The following GP6 variants were observed in gnomAD, a reference collection of about 807,000 sequenced individuals.
The protein encoded by GP6 is platelet glycoprotein VI.
In GP6, 45 loss-of-function variants were observed where a neutral mutation model predicts 37.3. That is an observed-to-expected ratio of 1.21 (90% CI 0.95 to 1.55). The LOEUF (loss-of-function observed/expected upper bound fraction) is 1.55. Among genes scored for constraint, GP6 ranks in the 40% most tolerant of loss-of-function variants. The pLI is 0.00. For synonymous variants in GP6, 340 were observed against 316.4 expected, an observed-to-expected ratio of 1.07 and a Z score of -0.79; for missense variants, 813 against 760.2, an observed-to-expected ratio of 1.07 and a Z score of -0.82.
chr19:55,032,529 A>C lies in GP6; in HGVS notation c.44T>G (p.Leu15Arg), dbSNP rs1202136384. 2 of 1,613,696 alleles carry C rather than the reference A, an allele frequency of 1.2e-6. No individual in the cohort carries two copies. The highest frequency in any genetic ancestry group is 1.3e-5 in the African/African-American group (1 of 74,938). Residue 15 changes from leucine to arginine, a missense_variant, in exon 2 of 8, where the codon CTG becomes CGG. Coordinates refer to ENST00000310373, the MANE Select transcript of GP6 (RefSeq NM_001083899.2). ...ACCACTCTGCGCTGGCACACGCCCCAGACACAGCCCTGAGGAAAGAAGAAA... is the reference window on the plus strand; with the variant it reads ...ACCACTCTGCGCTGGCACACGCCCCCGACACAGCCCTGAGGAAAGAAGAAA...
At chr19:55,025,116 G>A in intron 5 of GP6, 102 bp downstream of exon 5, 1 of 748,582 alleles carries the variant, frequency 1.3e-6, no homozygotes. Context: ...ATCTGTGAAA[G>A]AACCAACTGA....
chr19:55,016,836 A>C (rs2073893776), intron 6 of GP6, among the ~76,000 whole-genome samples: 1 of 151,652 alleles, frequency 6.6e-6, no homozygotes, highest in African/African-American at 2.4e-5. Flanking sequence ...TGGGCGGATC[A>C]CCTGAGGTCA....
chr19:55,029,360 ATATATATATATATATTTTTTTTTTTTT>A lies in GP6; in HGVS notation c.326-1525_326-1499del, dbSNP rs1568629074. On this transcript the variant is annotated intron_variant, in intron 3 of 7. Coordinates refer to ENST00000310373, the MANE Select transcript of GP6 (RefSeq NM_001083899.2). ...TATATATATATATATATATATATAT[ATATATATATATATATTTTTTTTTTTTT>A]TTTTTTTTTTTTTTTTTTTGGGAAA... is the stretch of plus-strand genomic sequence containing the variant. Among the ~76,000 whole-genome samples, 24 of 2,554 alleles carry A rather than the reference ATATATATATATATATTTTTTTTTTTTT, an allele frequency of 9.4e-3. 1 individual carries two copies. The highest frequency in any genetic ancestry group is 0.026 in the South Asian group (1 of 38). The allele number at this position is 2,554 out of a possible 152,430, so 1.7% of individuals were successfully genotyped here. A position where few individuals can be genotyped will look rare whatever the true frequency, so the allele number is the denominator to read the frequency against.
intron 4 of GP6, 96 bp downstream of exon 4, chr19:55,027,482 C>T (rs1364488023): frequency 8.5e-6 from 8 of 941,224 alleles, no homozygotes; most frequent in African/African-American, 3.2e-5. Flanking sequence ...GGCTTCCTGC[C>T]CTCCCACTTC....
Position 55,027,746 on chromosome 19 carries a change from C to T in GP6, c.442G>A (p.Glu148Lys), listed in dbSNP as rs1402331978. The change falls in exon 4 of 8, where the codon GAA becomes AAA. Residue 148 changes from glutamate to lysine, a missense_variant. Transcript: ENST00000310373. ...TTCTTGTAGGGCGCAGGGTCCCCTT[C>T]CTTGTACAGAGCAAATTGGTCAAAG... The T allele has an allele frequency of 2.5e-6, 4 of 1,613,858 alleles. No homozygotes were observed. The highest frequency in any genetic ancestry group is 3.4e-6 in the Non-Finnish European group (4 of 1,179,816).
At chr19:55,034,290 C>A (rs1023961679) in intron 1 of GP6, among the ~76,000 whole-genome samples, 7 of 152,026 alleles carry the variant, frequency 4.6e-5, no homozygotes, top group Non-Finnish European at 8.8e-5. Flanking sequence ...GGCACGGTGG[C>A]TCATGCCTAT....
rs758016611 is a variant in GP6 at position 55,014,109 on chromosome 19, C to A, written c.1836G>T (p.Gly612=). 1.3e-5 allele frequency: 9 copies of A among 678,546 alleles called. No individual in the cohort carries two copies. Among genetic ancestry groups the A allele is most frequent in the South Asian group, 3.0e-5 (2 of 66,560 alleles). The allele number at this position is 678,546 out of a possible 1,614,324, so 42.0% of individuals were successfully genotyped here. A position where few individuals can be genotyped will look rare whatever the true frequency, so the allele number is the denominator to read the frequency against. The change falls in exon 8 of 8, where the codon GGG becomes GGT. Residue 612 remains glycine (G), a synonymous_variant. Coordinates refer to ENST00000310373, the MANE Select transcript of GP6 (RefSeq NM_001083899.2). ...AAATCAGGGTAATTGACATATTCAT[C>A]CCTGTATTTTTTGAGACAAAGTCAG...
chr19:55,035,601 C>A (rs2074799470), intron 1 of GP6, among the ~76,000 whole-genome samples: 1 of 151,912 alleles, frequency 6.6e-6, no homozygotes, highest in Admixed American at 6.6e-5. Flanking sequence ...CCTGTAATCC[C>A]AGCTACTTGG....
Position 55,015,039 on chromosome 19 carries a change from C to G in GP6, c.906G>C (p.Gln302His). The change falls in exon 8 of 8, where the codon CAG becomes CAC. Residue 302 changes from glutamine (Q) to histidine (H), a missense_variant. Physicochemically the swap from Gln to His is conservative, Grantham distance 24 (BLOSUM62 0). Transcript: ENST00000310373. ...AAGCGGCCTCTGCACAGCCCTGCCC[C>G]TGTGCCGCAGGCGCTTCCTCCGGCT... The G allele has an allele frequency of 6.2e-7, 1 of 1,610,416 alleles. No individual in the cohort carries two copies.
chr19:55,019,595 C>T (rs1047533846), intron 5 of GP6, among the ~76,000 whole-genome samples: 2 of 151,778 alleles, frequency 1.3e-5, no homozygotes, highest in African/African-American at 2.4e-5. Flanking sequence ...TCCATGTCTT[C>T]GTGAGCCTAG....
chr19:55,017,793 G>A (rs1292960145), intron 6 of GP6, among the ~76,000 whole-genome samples: 7 of 152,014 alleles, frequency 4.6e-5, no homozygotes, highest in African/African-American at 9.7e-5. Context: ...GGGATATGCC[G>A]GGCGCGGTGG....
rs768485791 is a variant in GP6, at chr19:55,027,533, C to T, written c.610+45G>A. The stretch of plus-strand genomic sequence containing the variant: ...CCCTCCCTTGGAATGGCCATCAGGA[C>T]CTATAAAGGCTGAGGAAGAAAGGTT... On this transcript the variant is annotated intron_variant, in intron 4 of 7. Transcript: ENST00000310373. 9 of 1,515,898 alleles carry T rather than the reference C, an allele frequency of 5.9e-6. No individual in the cohort carries two copies. In the East Asian group the frequency reaches 1.6e-4, roughly 27 times the overall value. 93.9% of individuals were successfully genotyped at this position (1,515,898 alleles called of 1,614,324 possible). A position where few individuals can be genotyped will look rare whatever the true frequency, so the allele number is the denominator to read the frequency against.
chr19:55,016,071 G>A (rs2073862353), intron 6 of GP6, among the ~76,000 whole-genome samples: 1 of 151,996 alleles, frequency 6.6e-6, no homozygotes. Flanking sequence ...AGCCCTGGGA[G>A]GTTGAGGCTG....
In GP6 at chr19:55,027,723, C is replaced by T; in HGVS notation, c.465G>A (p.Lys155=). The T allele has an allele frequency of 1.9e-6, 3 of 1,613,956 alleles. No individual in the cohort carries two copies. Among genetic ancestry groups the T allele is most frequent in the Non-Finnish European group, 2.5e-6 (3 of 1,179,808 alleles). The change falls in exon 4 of 8, where the codon AAG becomes AAA. Residue 155 remains lysine, a synonymous_variant. Coordinates refer to ENST00000310373, the MANE Select transcript of GP6 (RefSeq NM_001083899.2). ...TAGCCCTGTACCATCTCTCGGGATT[C>T]TTGTAGGGCGCAGGGTCCCCTTCCT...
chr19:55,032,448 C>T (rs1318829990), intron 2 of GP6, 52 bp from the exon 3 acceptor site: 3 of 1,612,632 alleles, frequency 1.9e-6, no homozygotes, highest in Non-Finnish European at 2.5e-6. Flanking sequence ...CGCCTGGACC[C>T]CGCTGCTCCC....
intron 3 of GP6, among the ~76,000 whole-genome samples, chr19:55,029,706 C>T (rs891328424): frequency 1.0e-4 from 12 of 115,986 alleles, no homozygotes; most frequent in Middle Eastern, 4.2e-3. Context: ...TAAAAATAGA[C>T]AACCACCACC....
At chr19:55,033,069 A>AGGG (rs2074653067) in intron 1 of GP6, among the ~76,000 whole-genome samples, 1 of 7,466 alleles carries the variant, frequency 1.3e-4, no homozygotes, top group African/African-American at 3.1e-4. Flanking sequence ...GACACGGTGG[A>AGGG]CTCGTTCGTG....
chr19:55,029,331 TATATATA>T (rs2074435107), intron 3 of GP6, among the ~76,000 whole-genome samples: 1 of 1,052 alleles, frequency 9.5e-4, no homozygotes. Flanking sequence ...TATATATATA[TATATATA>T]TATATATATA....
intron 4 of GP6, among the ~76,000 whole-genome samples, chr19:55,026,094 A>G (rs1654421): frequency 0.76 from 115,220 of 151,640 alleles, 44,529 homozygotes; most frequent in Middle Eastern, 0.84. Context: ...GCTCCCGTCC[A>G]CCTTTTTCAA....
Sources: allele counts gnomAD v4.1 joint callset (sites outside exome capture counted in the v4.1 genomes callset), GRCh38; gene constraint gnomAD v4.1.1; transcripts MANE v1.5; gene names NCBI Gene and HGNC (gene_info 2026-07-23, HGNC 2026-07-21).